SCAPER: variants seen among roughly 807,000 people sequenced by gnomAD.
SCAPER encodes S phase cyclin A-associated protein in the endoplasmic reticulum.
Under a neutral mutation model 182.2 loss-of-function variants are expected in SCAPER, and 98 were observed. The ratio of observed to expected loss-of-function variants is 0.54; its 90% CI spans 0.46 to 0.64. The LOEUF is 0.64. SCAPER is among the 30% of genes least tolerant of loss of function. The pLI is 0.00. For synonymous variants in SCAPER, 605 were observed against 564.6 expected, an observed-to-expected ratio of 1.07 and a Z score of -1.01; for missense variants, 1,432 against 1,690.0, an observed-to-expected ratio of 0.85 and a Z score of 2.68.
intron 26 of SCAPER, among the ~76,000 whole-genome samples, chr15:76,430,017 C>T (rs545366066): frequency 1.3e-5 from 2 of 152,270 alleles, no homozygotes; most frequent in South Asian, 4.1e-4. Flanking sequence ...GCCACTCTGG[C>T]CATGGCTAAA....
At chr15:76,722,562 T>C (rs1382722791) in intron 17 of SCAPER, among the ~76,000 whole-genome samples, 1 of 152,232 alleles carries the variant, frequency 6.6e-6, no homozygotes, top group African/African-American at 2.4e-5. Context: ...GGTCCTGGAC[T>C]TTCTTTGGTT....
intron 1 of SCAPER, among the ~76,000 whole-genome samples, chr15:76,884,290 GAACT>G (rs1489632834): frequency 1.3e-5 from 2 of 152,146 alleles, no homozygotes; most frequent in Non-Finnish European, 2.9e-5. Context: ...TGCTTTCACT[GAACT>G]GACTCACTAA....
intron 29 of SCAPER, among the ~76,000 whole-genome samples, chr15:76,355,459 T>C (rs576439395): frequency 2.6e-5 from 4 of 152,328 alleles, no homozygotes; most frequent in East Asian, 3.9e-4. Flanking sequence ...ACTTAAATCT[T>C]TATTTTAACT....
chr15:76,633,521 C>T (rs982050385), intron 21 of SCAPER, among the ~76,000 whole-genome samples: 1 of 152,184 alleles, frequency 6.6e-6, no homozygotes, highest in Non-Finnish European at 1.5e-5. Context: ...AGCCAGCAGG[C>T]AGAAAACATT....
At chr15:76,632,564 A>G (rs1222786157) in intron 21 of SCAPER, among the ~76,000 whole-genome samples, 2 of 152,106 alleles carry the variant, frequency 1.3e-5, no homozygotes, top group African/African-American at 2.4e-5. Context: ...TTAGCTCAGC[A>G]AAGTTCATTA....
intron 23 of SCAPER, among the ~76,000 whole-genome samples, chr15:76,531,639 G>A: frequency 6.6e-6 from 1 of 150,680 alleles, no homozygotes; most frequent in African/African-American, 2.5e-5. Context: ...GATTAAATGT[G>A]TAAATATATG....
intron 25 of SCAPER, among the ~76,000 whole-genome samples, chr15:76,457,109 C>T (rs895339994): frequency 4.0e-5 from 6 of 151,558 alleles, no homozygotes; most frequent in African/African-American, 1.5e-4. Flanking sequence ...GTCACCCAGG[C>T]TGGAGTGCAG....
intron 30 of SCAPER, among the ~76,000 whole-genome samples, chr15:76,352,486 CTTTT>C (rs3033117): frequency 1.5e-4 from 21 of 137,962 alleles, no homozygotes; most frequent in Admixed American, 2.2e-4. Flanking sequence ...TTTGTATTTT[CTTTT>C]TTTTTTTTTT....
chr15:76,605,316 G>A (rs1186247145), intron 22 of SCAPER, among the ~76,000 whole-genome samples: 1 of 152,004 alleles, frequency 6.6e-6, no homozygotes, highest in Admixed American at 6.6e-5. Context: ...TTTATATGCT[G>A]GATTATGTTT....
At chr15:76,741,150 T>A (rs1215819956) in intron 15 of SCAPER, among the ~76,000 whole-genome samples, 1 of 152,114 alleles carries the variant, frequency 6.6e-6, no homozygotes, top group Non-Finnish European at 1.5e-5. Context: ...TTAATACATC[T>A]TACTACGAAG....
chr15:76,854,637 G>A (rs12904198), intron 4 of SCAPER, among the ~76,000 whole-genome samples: 57,895 of 151,372 alleles, frequency 0.38, 13,055 homozygotes, highest in Middle Eastern at 0.53. Context: ...CCAAAAAAAC[G>A]CCCAAATAGC....
chr15:76,653,648 A>G (rs1265504140), intron 21 of SCAPER, among the ~76,000 whole-genome samples: 1 of 152,214 alleles, frequency 6.6e-6, no homozygotes, highest in Non-Finnish European at 1.5e-5. Flanking sequence ...GAATAACTGA[A>G]TAGCCATATG....
chr15:76,562,430 A>C (rs1025499980), intron 23 of SCAPER, among the ~76,000 whole-genome samples: 1 of 152,180 alleles, frequency 6.6e-6, no homozygotes, highest in African/African-American at 2.4e-5. Flanking sequence ...AACACACAGG[A>C]TATTCTAACA....
intron 22 of SCAPER, among the ~76,000 whole-genome samples, chr15:76,607,188 A>C (rs62030423): frequency 6.6e-6 from 1 of 152,056 alleles, no homozygotes; most frequent in Admixed American, 6.6e-5. Context: ...TGCTTCCTTC[A>C]GGAGCTCTTT....
intron 15 of SCAPER, among the ~76,000 whole-genome samples, chr15:76,740,289 G>T (rs763806633): frequency 6.6e-5 from 10 of 152,176 alleles, no homozygotes; most frequent in Non-Finnish European, 1.3e-4. Context: ...CTAATATAAA[G>T]ATAAAGATAA....
intron 22 of SCAPER, among the ~76,000 whole-genome samples, chr15:76,612,250 T>C (rs1035675108): frequency 6.6e-6 from 1 of 152,206 alleles, no homozygotes; most frequent in Admixed American, 6.5e-5. Flanking sequence ...TTTTTGCTTT[T>C]TTTTGAGACA....
intron 24 of SCAPER, among the ~76,000 whole-genome samples, chr15:76,492,040 C>G (rs981645703): frequency 5.9e-5 from 9 of 152,134 alleles, no homozygotes; most frequent in Non-Finnish European, 8.8e-5. Context: ...TACTTGGCAT[C>G]TTTGTATCTT....
At position 76,635,814 on chromosome 15, in the gene SCAPER, T is replaced by C. The variant is rs1390923582; in HGVS notation, c.2646-13985A>G. On this transcript the variant is annotated intron_variant, in intron 21 of 31. Coordinates refer to ENST00000563290, the MANE Select transcript of SCAPER (RefSeq NM_020843.4). ...ACTTTTTCTGCATGAACTGAGTTGA[T>C]CATGGTTTATGTTCCCCTTCATTCT... 5.9e-5 allele frequency among the ~76,000 whole-genome samples: 9 copies of C among 152,374 alleles called. No individual in the cohort carries two copies. The East Asian group carries it at 1.7e-3, about 29-fold the overall frequency.
At chr15:76,493,857 A>T (rs532042323) in intron 24 of SCAPER, among the ~76,000 whole-genome samples, 1 of 152,318 alleles carries the variant, frequency 6.6e-6, no homozygotes, top group African/African-American at 2.4e-5. Flanking sequence ...TTGAGACATA[A>T]ACAAAATGCC....
Sources: allele counts gnomAD v4.1 joint callset (sites outside exome capture counted in the v4.1 genomes callset), GRCh38; gene constraint gnomAD v4.1.1; transcripts MANE v1.5; gene names NCBI Gene and HGNC (gene_info 2026-07-23, HGNC 2026-07-21).